ADK: variants seen among roughly 807,000 people sequenced by gnomAD.
ADK encodes N6,N6-dimethyladenosine kinase.
A neutral mutation model predicts 44.7 loss-of-function variants in ADK; 24 were observed. That is an observed-to-expected ratio of 0.54 (90% CI 0.39 to 0.76). ADK has a LOEUF of 0.76. Ranked by LOEUF, ADK falls within the 30% of genes least tolerant of loss-of-function variation. The pLI, the probability that ADK is intolerant of heterozygous loss-of-function variation, is 0.00. For synonymous variants in ADK, 128 were observed against 142.6 expected, an observed-to-expected ratio of 0.90 and a Z score of 0.73; for missense variants, 321 against 425.1, an observed-to-expected ratio of 0.76 and a Z score of 2.15.
intron 3 of ADK, among the ~76,000 whole-genome samples, chr10:74,233,111 G>A (rs75556006): frequency 6.6e-6 from 1 of 152,192 alleles, no homozygotes; most frequent in South Asian, 2.1e-4. Context: ...TTATGTATGA[G>A]TTTTGCCATA....
At chr10:74,605,690 T>C (rs912073976) in intron 9 of ADK, among the ~76,000 whole-genome samples, 2 of 152,222 alleles carry the variant, frequency 1.3e-5, no homozygotes, top group Non-Finnish European at 2.9e-5. Flanking sequence ...ATCAGGGATA[T>C]TGGCCTGAAA....
chr10:74,160,709 GTGTGTGTGTA>G (rs1309975035), intron 1 of ADK, among the ~76,000 whole-genome samples: 13 of 150,142 alleles, frequency 8.7e-5, no homozygotes, highest in African/African-American at 3.2e-4. Context: ...GTGTGTGTGT[GTGTGTGTGTA>G]TGTGTGTGTG....
Position 74,708,836 on chromosome 10 carries a change from A to G in ADK, c.*391A>G, listed in dbSNP as rs1048315362. 4 of 217,550 alleles carry G rather than the reference A, an allele frequency of 1.8e-5. No homozygotes were observed. Among genetic ancestry groups the G allele is most frequent in the East Asian group, 1.2e-4 (1 of 8,040 alleles). The allele number at this position is 217,550 out of a possible 1,614,324, so 13.5% of individuals were successfully genotyped here. A position where few individuals can be genotyped will look rare whatever the true frequency, so the allele number is the denominator to read the frequency against. Reference sequence around the variant, plus strand: ...GATTTTTTAATGAATTAATCTTAACATAGTAATCTTTAGCTTTTTATACAA... The same window carrying G: ...GATTTTTTAATGAATTAATCTTAACGTAGTAATCTTTAGCTTTTTATACAA... On this transcript the variant is annotated 3_prime_UTR_variant, in exon 11 of 11. Coordinates refer to ENST00000539909, the MANE Select transcript of ADK (RefSeq NM_006721.4).
intron 2 of ADK, among the ~76,000 whole-genome samples, chr10:74,217,001 G>A (rs1263474268): frequency 2.6e-5 from 4 of 152,242 alleles, no homozygotes; most frequent in Admixed American, 1.3e-4. Flanking sequence ...TCACTAGAGA[G>A]TGCCAGACAG....
chr10:74,553,373 G>C (rs1850114406), intron 7 of ADK, among the ~76,000 whole-genome samples: 1 of 151,658 alleles, frequency 6.6e-6, no homozygotes, highest in Admixed American at 6.6e-5. Flanking sequence ...GCTAATTTTT[G>C]TATTTGTAGT....
At chr10:74,459,830 T>G (rs1054932797) in intron 6 of ADK, among the ~76,000 whole-genome samples, 5 of 152,272 alleles carry the variant, frequency 3.3e-5, no homozygotes, top group African/African-American at 1.2e-4. Context: ...AGGCATTATT[T>G]TTTTTCCTTG....
intron 2 of ADK, among the ~76,000 whole-genome samples, chr10:74,222,780 A>G (rs890087127): frequency 2.9e-4 from 43 of 149,202 alleles, no homozygotes; most frequent in African/African-American, 9.9e-4. Flanking sequence ...CAAACACCGC[A>G]TATTCTCACT....
intron 9 of ADK, among the ~76,000 whole-genome samples, chr10:74,607,673 T>G (rs1054313195): frequency 1.1e-4 from 17 of 152,204 alleles, no homozygotes; most frequent in Non-Finnish European, 2.9e-5. Context: ...ACTTTTTCCT[T>G]CATTTCAACC....
At chr10:74,650,277 G>T (rs909092430) in intron 9 of ADK, among the ~76,000 whole-genome samples, 1 of 151,930 alleles carries the variant, frequency 6.6e-6, no homozygotes, top group African/African-American at 2.4e-5. Flanking sequence ...AAAATTAGCC[G>T]GGTGTCATGG....
intron 10 of ADK, among the ~76,000 whole-genome samples, chr10:74,703,430 C>CA (rs35913612): frequency 1.3e-5 from 2 of 150,970 alleles, no homozygotes; most frequent in African/African-American, 4.9e-5. Context: ...TGCAGTGAGC[C>CA]AAAAAAAATT....
chr10:74,370,043 AG>A (rs1408318537), intron 4 of ADK, among the ~76,000 whole-genome samples: 1 of 152,202 alleles, frequency 6.6e-6, no homozygotes, highest in Non-Finnish European at 1.5e-5. Flanking sequence ...CATAAATAAT[AG>A]GCTATACTTG....
intron 6 of ADK, among the ~76,000 whole-genome samples, chr10:74,515,997 G>A (rs1053990641): frequency 6.6e-6 from 1 of 152,144 alleles, no homozygotes; most frequent in Non-Finnish European, 1.5e-5. Context: ...CCAGAGGAGG[G>A]CATACTACAC....
intron 6 of ADK, among the ~76,000 whole-genome samples, chr10:74,475,948 T>C (rs1023217526): frequency 2.6e-5 from 4 of 152,128 alleles, no homozygotes; most frequent in Admixed American, 6.5e-5. Context: ...TTAGGAAATA[T>C]GCTTATGTCT....
intron 6 of ADK, among the ~76,000 whole-genome samples, chr10:74,496,783 A>C (rs1286219831): frequency 2.6e-5 from 4 of 152,146 alleles, no homozygotes; most frequent in African/African-American, 9.7e-5. Context: ...ATACTATCTT[A>C]AAATCAACTC....
chr10:74,613,690 A>G (rs1466249961), intron 9 of ADK, among the ~76,000 whole-genome samples: 1 of 152,134 alleles, frequency 6.6e-6, no homozygotes, highest in Non-Finnish European at 1.5e-5. Context: ...CTGTAAGAAA[A>G]GGTCAGTGTG....
intron 6 of ADK, among the ~76,000 whole-genome samples, chr10:74,457,975 C>A (rs780405936): frequency 6.6e-6 from 1 of 151,818 alleles, no homozygotes; most frequent in African/African-American, 2.4e-5. Context: ...ATGTAACAAA[C>A]CTGCGTGTTC....
At chr10:74,153,490 G>A (rs974781032) in intron 1 of ADK, among the ~76,000 whole-genome samples, 1 of 152,156 alleles carries the variant, frequency 6.6e-6, no homozygotes, top group African/African-American at 2.4e-5. Flanking sequence ...TTCTAGGCTC[G>A]GTTGCTTTTC....
At chr10:74,566,952 G>C (rs570221577) in intron 7 of ADK, among the ~76,000 whole-genome samples, 13 of 152,140 alleles carry the variant, frequency 8.5e-5, no homozygotes, top group Non-Finnish European at 1.3e-4. Context: ...TTTGCTTAAC[G>C]AGACCTCCTA....
intron 6 of ADK, among the ~76,000 whole-genome samples, chr10:74,412,719 G>A (rs1844228016): frequency 1.3e-5 from 2 of 152,114 alleles, no homozygotes; most frequent in South Asian, 2.1e-4. Flanking sequence ...ATTTTAAAGG[G>A]AATCTTTTTT....
Sources: allele counts gnomAD v4.1 joint callset (sites outside exome capture counted in the v4.1 genomes callset), GRCh38; gene constraint gnomAD v4.1.1; transcripts MANE v1.5; gene names NCBI Gene and HGNC (gene_info 2026-07-23, HGNC 2026-07-21).